ARFGEF2: variants seen among roughly 807,000 people sequenced by gnomAD.
ARFGEF2 encodes the protein ARF guanine nucleotide exchange factor 2.
Under a neutral mutation model 219.9 loss-of-function variants are expected in ARFGEF2, and 74 were observed. The observed-to-expected ratio is 0.34, with a 90% CI of 0.28 to 0.41. ARFGEF2 has a LOEUF of 0.41. ARFGEF2 is among the 10% of genes least tolerant of loss of function. The pLI is 1.00. For synonymous variants in ARFGEF2, 733 were observed against 799.2 expected, an observed-to-expected ratio of 0.92 and a Z score of 1.40; for missense variants, 1,743 against 2,218.3, an observed-to-expected ratio of 0.79 and a Z score of 4.30.
chr20:49,021,754 G>A (rs1307794414), intron 34 of ARFGEF2, among the ~76,000 whole-genome samples: 2 of 151,308 alleles, frequency 1.3e-5, no homozygotes, highest in African/African-American at 4.9e-5. Context: ...GAGGAGGCAG[G>A]AGAATTGCTT....
intron 12 of ARFGEF2, 116 bp from the exon 13 acceptor site, chr20:48,974,649 AG>A: frequency 1.3e-6 from 1 of 771,848 alleles, no homozygotes; most frequent in Non-Finnish European, 2.2e-6. Context: ...CATTCTTAAT[AG>A]CACTGACTGT....
At chr20:49,022,912 C>T (rs1313877942) in intron 34 of ARFGEF2, 139 bp from the exon 35 acceptor site, 2 of 1,180,304 alleles carry the variant, frequency 1.7e-6, no homozygotes, top group Non-Finnish European at 2.4e-6. Flanking sequence ...ACCAGGAGTT[C>T]AGGACCAGCC....
intron 1 of ARFGEF2, among the ~76,000 whole-genome samples, chr20:48,925,192 A>C (rs2090869202): frequency 6.6e-6 from 1 of 152,226 alleles, no homozygotes; most frequent in Non-Finnish European, 1.5e-5. Flanking sequence ...GAGTAATCTC[A>C]ATGATTCGTC....
At chr20:48,934,431 A>G (rs555294802) in intron 1 of ARFGEF2, among the ~76,000 whole-genome samples, 1 of 152,240 alleles carries the variant, frequency 6.6e-6, no homozygotes, top group African/African-American at 2.4e-5. Context: ...GGTTTGCTGC[A>G]CCCATCAACC....
At position 49,028,350 on chromosome 20, in the gene ARFGEF2, T is replaced by C. The variant is rs149290405; in HGVS notation, c.4925-180T>C. Among the ~76,000 whole-genome samples the C allele has an allele frequency of 5.1e-3, 776 of 152,174 alleles. 8 individuals carry two copies. Among genetic ancestry groups the C allele is most frequent in the African/African-American group, 0.018 (730 of 41,520 alleles). On this transcript the variant is annotated intron_variant, in intron 36 of 38. Coordinates refer to ENST00000371917, the MANE Select transcript of ARFGEF2 (RefSeq NM_006420.3). ...GCAGGAGGATCATTGAGCCCAGAAA[T>C]TGGAGGCTGCAGTGAGCTATGATCA...
chr20:48,967,427 T>A (rs2091194928), intron 8 of ARFGEF2, among the ~76,000 whole-genome samples: 1 of 152,228 alleles, frequency 6.6e-6, no homozygotes, highest in Non-Finnish European at 1.5e-5. Flanking sequence ...CTCTTAATTC[T>A]TTCTTAGGAA....
intron 21 of ARFGEF2, among the ~76,000 whole-genome samples, chr20:48,991,835 TG>T (rs1447946893): frequency 6.6e-6 from 1 of 152,020 alleles, no homozygotes; most frequent in Non-Finnish European, 1.5e-5. Context: ...AATAATGTTG[TG>T]GAAAAAAAAG....
chr20:48,953,520 A>G, intron 5 of ARFGEF2, 36 bp from the exon 6 acceptor site: 2 of 1,599,016 alleles, frequency 1.3e-6, no homozygotes, highest in Non-Finnish European at 1.7e-6. Flanking sequence ...TTTCTTCCTT[A>G]CCAAAATGCT....
intron 3 of ARFGEF2, among the ~76,000 whole-genome samples, chr20:48,944,655 A>G (rs2091015224): frequency 6.6e-6 from 1 of 152,190 alleles, no homozygotes. Flanking sequence ...TTGTAGAGAC[A>G]GGGTTTCACC....
chr20:48,956,956 T>C (rs1043739253), intron 6 of ARFGEF2, among the ~76,000 whole-genome samples: 3 of 152,212 alleles, frequency 2.0e-5, no homozygotes, highest in Admixed American at 1.3e-4. Flanking sequence ...AGTTTGTTGA[T>C]TGAATGAATC....
At chr20:48,985,301 C>A in intron 15 of ARFGEF2, 107 bp from the exon 16 acceptor site, 1 of 1,194,476 alleles carries the variant, frequency 8.4e-7, no homozygotes, top group Non-Finnish European at 1.2e-6. Flanking sequence ...CCAGCCTATT[C>A]TGGGCAGTTA....
Position 48,995,900 on chromosome 20 carries a change from C to T in ARFGEF2, c.3221+18C>T, listed in dbSNP as rs764439620. ...GTGGACAGGTAATGATTTTATTCTT[C>T]AGTGACCCTGAACTACACAGTGGTT... On this transcript the variant is annotated intron_variant, in intron 23 of 38. Coordinates refer to ENST00000371917, the MANE Select transcript of ARFGEF2 (RefSeq NM_006420.3). 7.5e-6 allele frequency: 12 copies of T among 1,609,116 alleles called. No individual in the cohort carries two copies. Among genetic ancestry groups the T allele is most frequent in the Non-Finnish European group, 1.0e-5 (12 of 1,175,590 alleles).
At chr20:48,984,982 C>T (rs1286918065) in intron 15 of ARFGEF2, 142 bp downstream of exon 15, 11 of 1,468,664 alleles carry the variant, frequency 7.5e-6, no homozygotes, top group Non-Finnish European at 9.3e-6. Flanking sequence ...ATTGTCCACC[C>T]CCGGGTTACA....
At chr20:48,935,589 G>A (rs1456421124) in intron 1 of ARFGEF2, among the ~76,000 whole-genome samples, 4 of 152,178 alleles carry the variant, frequency 2.6e-5, no homozygotes, top group Admixed American at 6.5e-5. Flanking sequence ...ATCATGGCCC[G>A]TTCTCAATGA....
At chr20:48,927,197 C>T (rs1421322981) in intron 1 of ARFGEF2, among the ~76,000 whole-genome samples, 2 of 151,978 alleles carry the variant, frequency 1.3e-5, no homozygotes, top group African/African-American at 2.4e-5. Context: ...AAGTATATTC[C>T]TAAATCTTAG....
chr20:48,976,314 C>A, intron 14 of ARFGEF2, 115 bp downstream of exon 14: 1 of 1,309,264 alleles, frequency 7.6e-7, no homozygotes, highest in Non-Finnish European at 1.1e-6. Flanking sequence ...GGTGCTGGCA[C>A]TTGTAGCTAA....
In ARFGEF2 at chr20:48,932,977, A is replaced by C. The variant is rs147227428; in HGVS notation, c.122-8222A>C. Among the ~76,000 whole-genome samples, 78 of 152,246 alleles carry C rather than the reference A, an allele frequency of 5.1e-4. 1 individual carries two copies. The East Asian group carries it at 0.014, about 27-fold the overall frequency. On this transcript the variant is annotated intron_variant, in intron 1 of 38. Transcript: ENST00000371917. ...TTGGCCACTGATGGGATTGTTGGGCAGTGCTGGGTTTGAGGTTGGTGATGG... is the reference window on the plus strand; with the variant it reads ...TTGGCCACTGATGGGATTGTTGGGCCGTGCTGGGTTTGAGGTTGGTGATGG...
chr20:48,942,055 C>CT (rs1025388341), intron 3 of ARFGEF2, 68 bp downstream of exon 3: 1 of 1,602,082 alleles, frequency 6.2e-7, no homozygotes, highest in Non-Finnish European at 8.5e-7. Context: ...TTACACAGAA[C>CT]TATGCTGGGG....
chr20:48,952,099 A>G (rs1328613114), intron 4 of ARFGEF2, among the ~76,000 whole-genome samples: 2 of 137,490 alleles, frequency 1.5e-5, no homozygotes, highest in Non-Finnish European at 3.1e-5. Context: ...AATTGTCTGT[A>G]TTATTCATTT....
Sources: allele counts gnomAD v4.1 joint callset (sites outside exome capture counted in the v4.1 genomes callset), GRCh38; gene constraint gnomAD v4.1.1; transcripts MANE v1.5; gene names NCBI Gene and HGNC (gene_info 2026-07-23, HGNC 2026-07-21).